Variants in EFCAB6 observed in about 807,000 individuals in gnomAD.
EFCAB6 encodes the protein EF-hand calcium binding domain 6, also known as EF-hand calcium-binding domain-containing protein 6.
Under a neutral mutation model 169.8 loss-of-function variants are expected in EFCAB6, and 156 were observed. The ratio of observed to expected loss-of-function variants is 0.92; its 90% CI spans 0.81 to 1.05. The LOEUF is 1.05. Ranked by LOEUF, EFCAB6 falls within the 50% of genes least tolerant of loss-of-function variation. The pLI is 0.00. For missense variants in EFCAB6, 1,800 were observed against 1,829.1 expected (o/e 0.98, Z 0.29); for synonymous variants, 698 against 676.4 (o/e 1.03, Z -0.50).
Position 43,713,328 on chromosome 22 carries a change from T to C in EFCAB6, c.883-1705A>G, listed in dbSNP as rs570952716. Among the ~76,000 whole-genome samples, 7 of 152,322 alleles carry C rather than the reference T, an allele frequency of 4.6e-5. 1 individual carries two copies. The highest frequency in any genetic ancestry group is 1.7e-4 in the African/African-American group (7 of 41,566). Reference sequence around the variant, plus strand: ...CAGTCAGCACTCAATAAATATTTATTAAAAGTGGGTATATTTTTATCAAAA... The same window carrying C: ...CAGTCAGCACTCAATAAATATTTATCAAAAGTGGGTATATTTTTATCAAAA... On this transcript the variant is annotated intron_variant, in intron 9 of 31. Transcript: ENST00000262726.
chr22:43,641,302 G>A (rs1214063140), intron 17 of EFCAB6, among the ~76,000 whole-genome samples: 6 of 152,142 alleles, frequency 3.9e-5, no homozygotes, highest in South Asian at 2.1e-4. Flanking sequence ...CAGCTATGGC[G>A]AGGAAGGAGT....
chr22:43,562,182 C>G (rs1475481297), intron 26 of EFCAB6, among the ~76,000 whole-genome samples: 1 of 152,192 alleles, frequency 6.6e-6, no homozygotes, highest in Non-Finnish European at 1.5e-5. Context: ...TTCATGGGAC[C>G]TTGTTTGAGC....
At chr22:43,564,547 C>T (rs554389611) in intron 26 of EFCAB6, among the ~76,000 whole-genome samples, 2 of 152,082 alleles carry the variant, frequency 1.3e-5, no homozygotes, top group Admixed American at 6.5e-5. Context: ...ACCTGTGTGG[C>T]GGGGAAAGCT....
In EFCAB6 at chr22:43,795,465, A is replaced by G. The variant is rs1231647684; in HGVS notation, c.-7-13140T>C. Among the ~76,000 whole-genome samples, 1 of 151,790 alleles carries G rather than the reference A, an allele frequency of 6.6e-6. No homozygotes were observed. The highest frequency in any genetic ancestry group is 2.4e-5 in the African/African-American group (1 of 41,306). ...AGGAGAGGAGCTGCCTCCTGCCCAC[A>G]TCTCCCCTCTCACGGCCCCATGGGT... On this transcript the variant is annotated intron_variant, in intron 2 of 31. Coordinates refer to ENST00000262726, the MANE Select transcript of EFCAB6 (RefSeq NM_022785.4). This position sits in a 1 kb window ranked among gnomAD's most constrained non-coding sequence, Gnocchi z 4.2.
intron 17 of EFCAB6, among the ~76,000 whole-genome samples, chr22:43,663,122 G>T (rs1352065021): frequency 6.6e-6 from 1 of 152,206 alleles, no homozygotes; most frequent in Non-Finnish European, 1.5e-5. Flanking sequence ...GTCCATGGTA[G>T]GTGCAGCTAT....
intron 5 of EFCAB6, among the ~76,000 whole-genome samples, chr22:43,760,896 C>T (rs2061141350): frequency 6.6e-6 from 1 of 152,224 alleles, no homozygotes; most frequent in South Asian, 2.1e-4. Context: ...CTCCTAACCT[C>T]AAGTGATCCA....
chr22:43,655,430 G>C (rs1434957671), intron 17 of EFCAB6, among the ~76,000 whole-genome samples: 2 of 151,588 alleles, frequency 1.3e-5, no homozygotes, highest in African/African-American at 4.9e-5. Context: ...AGTCTCTCAT[G>C]CAGCTTCTAT....
chr22:43,750,447 T>C (rs976696363), intron 6 of EFCAB6, among the ~76,000 whole-genome samples: 14 of 152,212 alleles, frequency 9.2e-5, no homozygotes, highest in Non-Finnish European at 1.9e-4. Flanking sequence ...AGATACAATC[T>C]GTCCCAACAG....
chr22:43,729,635 G>A (rs113379322), intron 8 of EFCAB6, among the ~76,000 whole-genome samples: 4 of 152,142 alleles, frequency 2.6e-5, no homozygotes, highest in Admixed American at 1.3e-4. Flanking sequence ...GGAAGAAAAC[G>A]TAACTTCAGA....
chr22:43,753,777 G>T (rs534750019), intron 6 of EFCAB6, among the ~76,000 whole-genome samples: 1 of 152,310 alleles, frequency 6.6e-6, no homozygotes, highest in South Asian at 2.1e-4. Flanking sequence ...TTATTTGCTG[G>T]TGTAGGAAGG....
intron 10 of EFCAB6, among the ~76,000 whole-genome samples, chr22:43,711,178 CT>C (rs1385663139): frequency 6.6e-6 from 1 of 152,066 alleles, no homozygotes; most frequent in Admixed American, 6.6e-5. Context: ...AAAAAGAGTT[CT>C]TATTTTTTAG....
intron 2 of EFCAB6, among the ~76,000 whole-genome samples, chr22:43,784,364 G>A (rs1028920295): frequency 6.6e-6 from 1 of 150,796 alleles, no homozygotes; most frequent in African/African-American, 2.4e-5. Flanking sequence ...TCTTCAGAAA[G>A]GCAAGGCAAG....
At chr22:43,745,807 A>G (rs2060540501) in intron 6 of EFCAB6, among the ~76,000 whole-genome samples, 1 of 152,208 alleles carries the variant, frequency 6.6e-6, no homozygotes, top group South Asian at 2.1e-4. Flanking sequence ...TGAAATTGTC[A>G]TTATCAACCC....
At chr22:43,640,220 T>TG (rs1324162777) in intron 17 of EFCAB6, among the ~76,000 whole-genome samples, 1 of 152,188 alleles carries the variant, frequency 6.6e-6, no homozygotes, top group Non-Finnish European at 1.5e-5. Context: ...GGTTATGGTG[T>TG]GGGGCCTCTG....
intron 26 of EFCAB6, among the ~76,000 whole-genome samples, chr22:43,557,547 T>A (rs1039559608): frequency 1.3e-5 from 2 of 152,172 alleles, no homozygotes; most frequent in African/African-American, 4.8e-5. Flanking sequence ...CTACCATCTA[T>A]CATTAAAAAG....
chr22:43,575,347 C>T (rs2050175309), intron 26 of EFCAB6, among the ~76,000 whole-genome samples: 1 of 147,162 alleles, frequency 6.8e-6, no homozygotes, highest in Non-Finnish European at 1.5e-5. Flanking sequence ...CCAGCCACCA[C>T]ATCCGGCTAT....
Position 43,720,350 on chromosome 22 carries a change from T to TAA in EFCAB6, c.758-3380_758-3379dup, listed in dbSNP as rs34117958. Among the ~76,000 whole-genome samples, 592 of 144,438 alleles carry TAA rather than the reference T, an allele frequency of 4.1e-3. 4 individuals are homozygous for TAA. Among genetic ancestry groups the TAA allele is most frequent in the Middle Eastern group, 6.9e-3 (2 of 290 alleles). The allele number at this position is 144,438 out of a possible 152,430, so 94.8% of individuals were successfully genotyped here. Reference sequence around the variant, plus strand: ...AGCAGAACCTGTCTCTACAAAAGATTAAAAAAAAAAAAATAGCCGGGCACA... The same window carrying TAA: ...AGCAGAACCTGTCTCTACAAAAGATTAAAAAAAAAAAAAAATAGCCGGGCACA... On this transcript the variant is annotated intron_variant, in intron 8 of 31. Transcript: ENST00000262726.
chr22:43,652,739 A>G (rs1431455650), intron 17 of EFCAB6, among the ~76,000 whole-genome samples: 1 of 152,052 alleles, frequency 6.6e-6, no homozygotes, highest in Non-Finnish European at 1.5e-5. Flanking sequence ...AGACAGAACC[A>G]TATAACCCAA....
rs368240340 is a variant in EFCAB6 at position 43,528,988 on chromosome 22, G to A, written c.4384-13C>T. ...ACTGTCTCAGGACCTGGAAGACAGAGAAAAGGGGCCTCTGAGGCTTGTTTG... is the reference window on the plus strand; with the variant it reads ...ACTGTCTCAGGACCTGGAAGACAGAAAAAAGGGGCCTCTGAGGCTTGTTTG... On this transcript the variant is annotated splice_polypyrimidine_tract_variant and intron_variant, in intron 31 of 31. Transcript: ENST00000262726. The A allele has an allele frequency of 4.2e-5, 66 of 1,565,856 alleles. No homozygotes were observed. The highest frequency in any genetic ancestry group is 6.8e-5 in the Admixed American group (4 of 59,146).
Sources: gnomAD v4.1 joint callset for allele counts (sites outside exome capture counted in the v4.1 genomes callset) on GRCh38, gnomAD v4.1.1 for gene constraint, Gnocchi (gnomAD v3.1) non-coding constraint, MANE v1.5 for transcripts, NCBI Gene and HGNC (gene_info 2026-07-23, HGNC 2026-07-21) for gene names.